The following SCUBE3 variants were observed in gnomAD, a reference collection of about 807,000 sequenced individuals.
The protein encoded by SCUBE3 is signal peptide, CUB domain and EGF like domain containing 3.
A neutral mutation model predicts 116.8 loss-of-function variants in SCUBE3; 33 were observed. The ratio of observed to expected loss-of-function variants is 0.28; its 90% CI spans 0.21 to 0.38. SCUBE3 has a LOEUF of 0.38. SCUBE3 is among the 10% of genes least tolerant of loss of function. The pLI is 1.00. For missense variants in SCUBE3, 1,007 were observed against 1,324.8 expected (o/e 0.76, Z 3.72); for synonymous variants, 418 against 496.9 (o/e 0.84, Z 2.11).
chr6:35,242,124 C>T (rs1040554912), intron 12 of SCUBE3, 80 bp from the exon 13 acceptor site: 1 of 1,069,338 alleles, frequency 9.4e-7, no homozygotes, highest in African/African-American at 1.6e-5. Flanking sequence ...GGCTTATTAC[C>T]CAGCTTCTCA....
intron 1 of SCUBE3, among the ~76,000 whole-genome samples, chr6:35,227,129 C>G (rs1353312405): frequency 6.6e-6 from 1 of 152,152 alleles, no homozygotes; most frequent in Non-Finnish European, 1.5e-5. Context: ...ATGCCCCATC[C>G]CCCTTTCTTC....
rs1581901059 is a variant in SCUBE3, at chr6:35,214,631, C to T, written c.85+128C>T. 1.9e-6 allele frequency: 1 copy of T among 513,322 alleles called. No individual in the cohort carries two copies. The allele number at this position is 513,322 out of a possible 1,614,324, so 31.8% of individuals were successfully genotyped here. On this transcript the variant is annotated intron_variant, in intron 1 of 21. Transcript: ENST00000274938. The surrounding 1 kb of genome is among the most constrained non-coding windows in gnomAD (Gnocchi z 6.3). ...GCTGTCAGAACCCGGCTCTGTGCAC[C>T]CGGACTCCCCGGCCAGGGGCCCGAC...
chr6:35,244,169 C>T lies in SCUBE3; in HGVS notation c.2239+39C>T, dbSNP rs554877416. 6.5e-7 allele frequency: 1 copy of T among 1,545,928 alleles called. No individual in the cohort carries two copies. Among genetic ancestry groups the T allele is most frequent in the South Asian group, 1.2e-5 (1 of 86,204 alleles). ...TCACCTCCCTGGGGGATGCCCCAAC[C>T]CCAACTACTCCCAAAAAACTCTCCA... On this transcript the variant is annotated intron_variant, in intron 17 of 21. Coordinates refer to ENST00000274938, the MANE Select transcript of SCUBE3 (RefSeq NM_152753.4). This position sits in a 1 kb window ranked among gnomAD's most constrained non-coding sequence, Gnocchi z 4.3.
rs1447516537 is a variant in SCUBE3, at chr6:35,213,984, G to A, written c.-435G>A. 6.6e-6 allele frequency among the ~76,000 whole-genome samples: 1 copy of A among 152,160 alleles called. No individual in the cohort carries two copies. Among genetic ancestry groups the A allele is most frequent in the African/African-American group, 2.4e-5 (1 of 41,444 alleles). The stretch of plus-strand genomic sequence containing the variant: ...AGAGAGGAAGAAAGAGAGGCAGAAA[G>A]GGCGTGTTTCTGGCGCTGCGTTTCC... On this transcript the variant is annotated 5_prime_UTR_variant, in exon 1 of 22. Coordinates refer to ENST00000274938, the MANE Select transcript of SCUBE3 (RefSeq NM_152753.4). The surrounding 1 kb of genome is among the most constrained non-coding windows in gnomAD (Gnocchi z 4.5).
At position 35,241,153 on chromosome 6, in the gene SCUBE3, G is replaced by A; in HGVS notation, c.1082G>A (p.Cys361Tyr). The A allele has an allele frequency of 6.3e-7, 1 of 1,598,564 alleles. No individual in the cohort carries two copies. The highest frequency in any genetic ancestry group is 8.6e-7 in the Non-Finnish European group (1 of 1,167,436). ...CTCCTTCCCCCAGATGTGGATGAAT[G>A]CAGCATCAACCGGGGAGGTTGCCGC... ...GITHCGDVDE[C>Y]SINRGGCRFG... The change falls in exon 10 of 22, where the codon TGC becomes TAC. Residue 361 changes from cysteine to tyrosine, a missense_variant. Cys to Tyr is a radical substitution (Grantham distance 194, BLOSUM62 -2). Coordinates refer to ENST00000274938, the MANE Select transcript of SCUBE3 (RefSeq NM_152753.4). This position sits in a 1 kb window ranked among gnomAD's most constrained non-coding sequence, Gnocchi z 4.1.
chr6:35,229,446 G>T (rs1490451553), intron 3 of SCUBE3, among the ~76,000 whole-genome samples: 2 of 152,080 alleles, frequency 1.3e-5, no homozygotes, highest in African/African-American at 4.8e-5. Context: ...CCCACTTGAA[G>T]GCTGCTGTGC....
chr6:35,227,351 G>T (rs1005920441), intron 1 of SCUBE3, among the ~76,000 whole-genome samples: 3 of 152,158 alleles, frequency 2.0e-5, no homozygotes, highest in South Asian at 2.1e-4. Flanking sequence ...AGTTTTAGCT[G>T]TCACTGTGAA....
rs1378173847 is a variant in SCUBE3 at position 35,243,547 on chromosome 6, G to A, written c.1910-47G>A. 2.0e-6 allele frequency: 3 copies of A among 1,508,906 alleles called. No individual in the cohort carries two copies. The highest frequency in any genetic ancestry group is 4.0e-5 in the Admixed American group (2 of 50,190). The allele number at this position is 1,508,906 out of a possible 1,614,324, so 93.5% of individuals were successfully genotyped here. On this transcript the variant is annotated intron_variant, in intron 15 of 21. Transcript: ENST00000274938. The surrounding 1 kb of genome is among the most constrained non-coding windows in gnomAD (Gnocchi z 6.6). ...GGAAGGGGAGTCCCAGGCCTGGGTG[G>A]TGGGAAATGCGGGGGTGGGTGGCTA... is the stretch of plus-strand genomic sequence containing the variant.
At position 35,214,519 on chromosome 6, in the gene SCUBE3, C is replaced by T; in HGVS notation, c.85+16C>T. ...GCCGCGCAAGGTAAGGAAGGAGGGG[C>T]GCGCGGCCTGGGGGCTGTCCTGGCT... On this transcript the variant is annotated intron_variant, in intron 1 of 21. Transcript: ENST00000274938. This position sits in a 1 kb window ranked among gnomAD's most constrained non-coding sequence, Gnocchi z 6.3. The T allele has an allele frequency of 6.9e-7, 1 of 1,452,194 alleles. No homozygotes were observed. The highest frequency in any genetic ancestry group is 9.1e-7 in the Non-Finnish European group (1 of 1,097,994). The allele number at this position is 1,452,194 out of a possible 1,614,324, so 90.0% of individuals were successfully genotyped here.
Position 35,244,162 on chromosome 6 carries a change from C to G in SCUBE3, c.2239+32C>G. The G allele has an allele frequency of 6.4e-7, 1 of 1,573,418 alleles. No homozygotes were observed. The highest frequency in any genetic ancestry group is 2.3e-5 in the East Asian group (1 of 44,144). ...AAGCTACTCACCTCCCTGGGGGATG[C>G]CCCAACCCCAACTACTCCCAAAAAA... On this transcript the variant is annotated intron_variant, in intron 17 of 21. Transcript: ENST00000274938. The surrounding 1 kb of genome is among the most constrained non-coding windows in gnomAD (Gnocchi z 4.3).
At position 35,235,847 on chromosome 6, in the gene SCUBE3, C is replaced by T. The variant is rs1783748959; in HGVS notation, c.713-2055C>T. On this transcript the variant is annotated intron_variant, in intron 6 of 21. Transcript: ENST00000274938. The surrounding 1 kb of genome is among the most constrained non-coding windows in gnomAD (Gnocchi z 4.5). ...AGCCAGCCTCATCTTCCCTGTCATG[C>T]CCACTGTGCCACCTGAGATAGGGGT... Among the ~76,000 whole-genome samples, 2 of 152,006 alleles carry T rather than the reference C, an allele frequency of 1.3e-5. No individual in the cohort carries two copies. Among genetic ancestry groups the T allele is most frequent in the African/African-American group, 4.8e-5 (2 of 41,378 alleles).
In SCUBE3 at chr6:35,232,967, A is replaced by G. The variant is rs1783612982; in HGVS notation, c.587A>G (p.Asp196Gly). 1.9e-6 allele frequency: 3 copies of G among 1,613,960 alleles called. No homozygotes were observed. The highest frequency in any genetic ancestry group is 2.5e-6 in the Non-Finnish European group (3 of 1,179,998). Residue 196 changes from aspartate to glycine, a missense_variant, in exon 5 of 22, where the codon GAC (aspartate) becomes GGC (glycine). Transcript: ENST00000274938. The surrounding 1 kb of genome is among the most constrained non-coding windows in gnomAD (Gnocchi z 4.2). ...PGFELTKNQRDCKLTCNYGNG... is the reference protein window; with the variant it reads ...PGFELTKNQRGCKLTCNYGNG... ...TTTGAGCTTACCAAGAACCAACGGG[A>G]CTGTAAATGTGAGATAATTGGGATG...
rs1784455389 is a variant in SCUBE3, at chr6:35,248,871, C to T, written c.*166C>T. On this transcript the variant is annotated 3_prime_UTR_variant, in exon 22 of 22. Transcript: ENST00000274938. ...CTCTCCCTTTCTGTCTTTCTAGTTT[C>T]CTTTCCTTGTCTCTCTCTGCCTGCC... is the stretch of plus-strand genomic sequence containing the variant. 1.6e-6 allele frequency: 1 copy of T among 619,356 alleles called. No homozygotes were observed. Among genetic ancestry groups the T allele is most frequent in the Non-Finnish European group, 2.8e-6 (1 of 353,640 alleles). The allele number at this position is 619,356 out of a possible 1,614,324, so 38.4% of individuals were successfully genotyped here.
chr6:35,224,842 A>G (rs1783264034), intron 1 of SCUBE3, among the ~76,000 whole-genome samples: 1 of 152,024 alleles, frequency 6.6e-6, no homozygotes, highest in Admixed American at 6.6e-5. Flanking sequence ...GCAGTTCCAG[A>G]CCAGTATCCG....
chr6:35,244,061 T>C lies in SCUBE3; in HGVS notation c.2170T>C (p.Phe724Leu). The change falls in exon 17 of 22, where the codon TTC becomes CTC. Residue 724 changes from phenylalanine to leucine, a missense_variant. Coordinates refer to ENST00000274938, the MANE Select transcript of SCUBE3 (RefSeq NM_152753.4). The surrounding 1 kb of genome is among the most constrained non-coding windows in gnomAD (Gnocchi z 4.3). ...ACCTGAAGCAGGACGGACCCTATGC[T>C]TCCCTTGTGGTGGGGGCCTCACCAC... ...YQPEAGRTLC[F>L]PCGGGLTTKH... is the part of the protein sequence containing the mutation. 1 of 1,614,064 alleles carries C rather than the reference T, an allele frequency of 6.2e-7. No individual in the cohort carries two copies. Among genetic ancestry groups the C allele is most frequent in the Non-Finnish European group, 8.5e-7 (1 of 1,179,970 alleles).
Position 35,219,882 on chromosome 6 carries a change from C to T in SCUBE3, c.85+5379C>T, listed in dbSNP as rs1414035315. On this transcript the variant is annotated intron_variant, in intron 1 of 21. Coordinates refer to ENST00000274938, the MANE Select transcript of SCUBE3 (RefSeq NM_152753.4). This position sits in a 1 kb window ranked among gnomAD's most constrained non-coding sequence, Gnocchi z 4.7. The stretch of plus-strand genomic sequence containing the variant: ...TTTTGTTTCTAACCAGCTGCTTGGC[C>T]CCAGCATAGTGAATCCAAGGGCAGG... Among the ~76,000 whole-genome samples, 3 of 152,132 alleles carry T rather than the reference C, an allele frequency of 2.0e-5. No individual in the cohort carries two copies. The highest frequency in any genetic ancestry group is 4.4e-5 in the Non-Finnish European group (3 of 68,014).
chr6:35,226,479 C>CTTTTTTTTTTTTTTTT (rs1562044702), intron 1 of SCUBE3, among the ~76,000 whole-genome samples: 12 of 52,182 alleles, frequency 2.3e-4, no homozygotes, highest in South Asian at 1.1e-3. Context: ...TTTTCTATGT[C>CTTTTTTTTTTTTTTTT]CTTTTTTTTT....
At position 35,231,715 on chromosome 6, in the gene SCUBE3, TC is replaced by T; in HGVS notation, c.335-8del. 6.2e-7 allele frequency: 1 copy of T among 1,606,670 alleles called. No homozygotes were observed. Among genetic ancestry groups the T allele is most frequent in the South Asian group, 1.1e-5 (1 of 90,652 alleles). ...ACCCCATGACCCCACTGACTACCTATCCTGCACAGATGTGGACGAGTGTGCC... is the reference window on the plus strand; with the variant it reads ...ACCCCATGACCCCACTGACTACCTATCTGCACAGATGTGGACGAGTGTGCC... On this transcript the variant is annotated splice_polypyrimidine_tract_variant and intron_variant, in intron 3 of 21. Transcript: ENST00000274938. This position sits in a 1 kb window ranked among gnomAD's most constrained non-coding sequence, Gnocchi z 4.2.
chr6:35,241,143 G>A lies in SCUBE3; in HGVS notation c.1072G>A (p.Val358Met). 6.3e-7 allele frequency: 1 copy of A among 1,591,826 alleles called. No homozygotes were observed. The highest frequency in any genetic ancestry group is 8.6e-7 in the Non-Finnish European group (1 of 1,162,310). The change falls in exon 10 of 22, where the codon GTG (valine) becomes ATG (methionine). Residue 358 changes from valine to methionine, a missense_variant and splice_region_variant. Physicochemically the swap from Val to Met is conservative, Grantham distance 21. Coordinates refer to ENST00000274938, the MANE Select transcript of SCUBE3 (RefSeq NM_152753.4). The surrounding 1 kb of genome is among the most constrained non-coding windows in gnomAD (Gnocchi z 4.1). ...TGTCTCCCTACTCCTTCCCCCAGATGTGGATGAATGCAGCATCAACCGGGG... is the reference window on the plus strand; with the variant it reads ...TGTCTCCCTACTCCTTCCCCCAGATATGGATGAATGCAGCATCAACCGGGG... ...LLYGITHCGDVDECSINRGGC... is the reference protein window; with the variant it reads ...LLYGITHCGDMDECSINRGGC...
Sources: allele counts gnomAD v4.1 joint callset (sites outside exome capture counted in the v4.1 genomes callset), GRCh38; gene constraint gnomAD v4.1.1; non-coding constraint Gnocchi (gnomAD v3.1); transcripts MANE v1.5; gene names NCBI Gene and HGNC (gene_info 2026-07-23, HGNC 2026-07-21).